The following CNOT6L variants were observed in gnomAD, a reference collection of about 807,000 sequenced individuals.
CNOT6L encodes CCR4-NOT transcription complex subunit 6-like.
CNOT6L carries 7 observed loss-of-function variants against 64.0 expected under a neutral mutation model. The ratio of observed to expected loss-of-function variants is 0.11; its 90% CI spans 0.06 to 0.21. The LOEUF is 0.21. Ranked by LOEUF, CNOT6L falls within the 10% of genes least tolerant of loss-of-function variation. CNOT6L has a pLI of 1.00. For synonymous variants in CNOT6L, 193 were observed against 243.4 expected (o/e 0.79, Z 1.93); for missense variants, 245 against 669.0 (o/e 0.37, Z 6.99).
intron 1 of CNOT6L, among the ~76,000 whole-genome samples, chr4:77,790,439 G>T (rs1375173031): frequency 6.6e-6 from 1 of 152,106 alleles, no homozygotes; most frequent in Non-Finnish European, 1.5e-5. Flanking sequence ...AAGCATGATG[G>T]CTGGATCATA....
intron 1 of CNOT6L, among the ~76,000 whole-genome samples, chr4:77,815,127 ACC>A (rs761638497): frequency 1.9e-4 from 29 of 152,324 alleles, no homozygotes; most frequent in Admixed American, 6.5e-4. Context: ...AATCTTCATC[ACC>A]TATCCCAATA....
chr4:77,779,069 A>AAAAAAAC (rs1560419999), intron 1 of CNOT6L, among the ~76,000 whole-genome samples: 2 of 106,128 alleles, frequency 1.9e-5, no homozygotes, highest in African/African-American at 6.6e-5. Flanking sequence ...AAAACAAAAA[A>AAAAAAAC]AAAACACAAA....
intron 4 of CNOT6L, among the ~76,000 whole-genome samples, chr4:77,770,994 TCTAATA>T (rs1727476477): frequency 6.6e-6 from 1 of 152,186 alleles, no homozygotes. Context: ...CAGGAATGTT[TCTAATA>T]CAAAGGGTAA....
chr4:77,769,619 A>C (rs1472999859), intron 4 of CNOT6L, among the ~76,000 whole-genome samples: 4 of 152,160 alleles, frequency 2.6e-5, no homozygotes, highest in African/African-American at 4.8e-5. Context: ...AATGAAAATT[A>C]TATTTCCCAG....
In CNOT6L at chr4:77,713,930, T is replaced by C. The variant is rs991938988; in HGVS notation, c.*6501A>G. ...TACAATTACATGGCACTTCATTAAATAGTCTAATTTAAAAAAAAATCTTAG... is the reference window on the plus strand; with the variant it reads ...TACAATTACATGGCACTTCATTAAACAGTCTAATTTAAAAAAAAATCTTAG... On this transcript the variant is annotated 3_prime_UTR_variant, in exon 12 of 12. Coordinates refer to ENST00000504123, the MANE Select transcript of CNOT6L (RefSeq NM_144571.3). 6.6e-6 allele frequency: 1 copy of C among 152,552 alleles called. No homozygotes were observed. The highest frequency in any genetic ancestry group is 1.5e-5 in the Non-Finnish European group (1 of 68,026). 9.4% of individuals were successfully genotyped at this position (152,552 alleles called of 1,614,324 possible).
intron 1 of CNOT6L, among the ~76,000 whole-genome samples, chr4:77,777,915 A>G (rs2110070434): frequency 6.6e-6 from 1 of 152,372 alleles, no homozygotes; most frequent in South Asian, 2.1e-4. Context: ...AAGGGAAAAT[A>G]GTCATTCCTT....
chr4:77,820,209 C>T (rs1366655002), upstream of CNOT6L, among the ~76,000 whole-genome samples: 1 of 152,138 alleles, frequency 6.6e-6, no homozygotes, highest in Non-Finnish European at 1.5e-5. Flanking sequence ...AGATTAATAA[C>T]AAGGTGCAGA....
intron 6 of CNOT6L, among the ~76,000 whole-genome samples, chr4:77,747,446 G>A (rs1034696644): frequency 6.6e-6 from 1 of 152,128 alleles, no homozygotes; most frequent in African/African-American, 2.4e-5. Context: ...GGGATTACAG[G>A]CATGAGCCAC....
intron 1 of CNOT6L, among the ~76,000 whole-genome samples, chr4:77,814,224 G>A (rs1361511787): frequency 4.6e-5 from 7 of 152,170 alleles, no homozygotes; most frequent in African/African-American, 1.7e-4. Context: ...GGGCATAAGA[G>A]AATGAAGGGT....
At position 77,819,344 on chromosome 4, in the gene CNOT6L, T is replaced by C. The variant is rs777082241; in HGVS notation, c.-36A>G. On this transcript the variant is annotated 5_prime_UTR_variant, in exon 1 of 12. Coordinates refer to ENST00000504123, the MANE Select transcript of CNOT6L (RefSeq NM_144571.3). ...TGGCCCAGAAGCAACAGCAGCCATTTCCCCGCGGCAGGGGAAACACACACA... is the reference window on the plus strand; with the variant it reads ...TGGCCCAGAAGCAACAGCAGCCATTCCCCCGCGGCAGGGGAAACACACACA... 1.2e-6 allele frequency: 2 copies of C among 1,611,862 alleles called. No individual in the cohort carries two copies. Among genetic ancestry groups the C allele is most frequent in the South Asian group, 1.1e-5 (1 of 90,966 alleles).
At chr4:77,722,783 C>T (rs906015744) in intron 11 of CNOT6L, among the ~76,000 whole-genome samples, 13 of 152,110 alleles carry the variant, frequency 8.5e-5, no homozygotes, top group African/African-American at 3.1e-4. Context: ...ACATATGCAT[C>T]TATGAGGAGG....
chr4:77,817,260 G>A (rs753493281), intron 1 of CNOT6L, among the ~76,000 whole-genome samples: 12 of 151,660 alleles, frequency 7.9e-5, no homozygotes, highest in Non-Finnish European at 1.3e-4. Flanking sequence ...TAAATAACTA[G>A]GCTATTTTAA....
intron 1 of CNOT6L, among the ~76,000 whole-genome samples, chr4:77,784,498 C>A (rs767684835): frequency 6.3e-4 from 74 of 117,236 alleles, no homozygotes; most frequent in Admixed American, 1.2e-3. Flanking sequence ...TGAATATAAT[C>A]TATTTTTTTT....
At chr4:77,769,737 C>T (rs887014559) in intron 4 of CNOT6L, among the ~76,000 whole-genome samples, 3 of 151,894 alleles carry the variant, frequency 2.0e-5, no homozygotes, top group African/African-American at 7.3e-5. Flanking sequence ...TATTATATTT[C>T]AAGAATAAAA....
chr4:77,819,345 C>A lies in CNOT6L; in HGVS notation c.-37G>T. The A allele has an allele frequency of 6.2e-7, 1 of 1,613,208 alleles. No individual in the cohort carries two copies. The highest frequency in any genetic ancestry group is 8.5e-7 in the Non-Finnish European group (1 of 1,179,548). On this transcript the variant is annotated 5_prime_UTR_variant, in exon 1 of 12. Coordinates refer to ENST00000504123, the MANE Select transcript of CNOT6L (RefSeq NM_144571.3). ...GGCCCAGAAGCAACAGCAGCCATTT[C>A]CCCGCGGCAGGGGAAACACACACAC...
chr4:77,816,928 G>C lies in CNOT6L; in HGVS notation c.5+2376C>G, dbSNP rs112799826. ...TAATGAACACATTTCCTACTCCAGA[G>C]AAAATACTAAAAATGGAAAGTTATT... On this transcript the variant is annotated intron_variant, in intron 1 of 11. Transcript: ENST00000504123. Among the ~76,000 whole-genome samples the C allele has an allele frequency of 1.8e-3, 269 of 152,166 alleles. 2 individuals carry two copies. Among genetic ancestry groups the C allele is most frequent in the African/African-American group, 5.4e-3 (224 of 41,518 alleles).
chr4:77,721,101 T>C (rs1721227654), intron 11 of CNOT6L, among the ~76,000 whole-genome samples: 1 of 152,220 alleles, frequency 6.6e-6, no homozygotes, highest in South Asian at 2.1e-4. Context: ...TGACTGAAGC[T>C]ATAGTAAACC....
intron 3 of CNOT6L, 45 bp from the exon 4 acceptor site, chr4:77,773,211 T>C (rs1577970131): frequency 8.4e-7 from 1 of 1,190,356 alleles, no homozygotes; most frequent in South Asian, 1.5e-5. Context: ...TACTAAGTTT[T>C]ATTAACATCT....
At chr4:77,811,936 TC>T (rs1560441216) in intron 1 of CNOT6L, among the ~76,000 whole-genome samples, 8 of 151,864 alleles carry the variant, frequency 5.3e-5, no homozygotes. Context: ...TGGAATGTTT[TC>T]CCCCTAAGAC....
Sources: gnomAD v4.1 joint callset for allele counts (sites outside exome capture counted in the v4.1 genomes callset) on GRCh38, gnomAD v4.1.1 for gene constraint, MANE v1.5 for transcripts, NCBI Gene and HGNC (gene_info 2026-07-23, HGNC 2026-07-21) for gene names.